The following ESRRG variants were observed in gnomAD, a reference collection of about 807,000 sequenced individuals.
The protein encoded by ESRRG is estrogen-related receptor gamma.
A neutral mutation model predicts 44.0 loss-of-function variants in ESRRG; 13 were observed. The ratio of observed to expected loss-of-function variants is 0.30; its 90% CI spans 0.19 to 0.47. The LOEUF is 0.47. ESRRG is among the 20% of genes least tolerant of loss of function. The pLI, the probability that ESRRG is intolerant of heterozygous loss-of-function variation, is 1.00. For missense variants in ESRRG, 395 were observed against 580.6 expected, an observed-to-expected ratio of 0.68 and a Z score of 3.29; for synonymous variants, 215 against 214.6, an observed-to-expected ratio of 1.00 and a Z score of -0.02.
intron 1 of ESRRG, among the ~76,000 whole-genome samples, chr1:217,120,913 T>C (rs2092809837): frequency 6.6e-6 from 1 of 152,196 alleles, no homozygotes; most frequent in Non-Finnish European, 1.5e-5. Flanking sequence ...TCTCTGCCAT[T>C]AGACTATAAG....
chr1:216,573,070 T>C (rs1224609721), intron 3 of ESRRG, among the ~76,000 whole-genome samples: 2 of 152,026 alleles, frequency 1.3e-5, no homozygotes, highest in African/African-American at 4.8e-5. Context: ...TATTATATGC[T>C]CTGGCCTAAA....
intron 5 of ESRRG, among the ~76,000 whole-genome samples, chr1:216,552,293 A>G (rs2056564770): frequency 6.6e-6 from 1 of 152,174 alleles, no homozygotes; most frequent in African/African-American, 2.4e-5. Flanking sequence ...CAGGAATAGT[A>G]TACTCTTTTC....
intron 1 of ESRRG, among the ~76,000 whole-genome samples, chr1:216,681,080 AATAAC>A (rs1258765944): frequency 6.6e-6 from 1 of 152,192 alleles, no homozygotes; most frequent in Admixed American, 6.5e-5. Context: ...TATGAATAGA[AATAAC>A]ATGTGTCGAA....
chr1:216,893,722 T>C (rs957305988), intron 2 of ESRRG, among the ~76,000 whole-genome samples: 2 of 152,100 alleles, frequency 1.3e-5, no homozygotes, highest in Non-Finnish European at 2.9e-5. Context: ...TATTTCTAAG[T>C]ATGTAGAAGT....
chr1:216,859,982 G>A (rs558602116), intron 2 of ESRRG, among the ~76,000 whole-genome samples: 13 of 152,130 alleles, frequency 8.5e-5, no homozygotes, highest in Non-Finnish European at 1.8e-4. Context: ...AGCAGACAAA[G>A]GCCAGGTGCA....
intron 1 of ESRRG, among the ~76,000 whole-genome samples, chr1:217,130,977 A>G (rs2092956888): frequency 6.6e-6 from 1 of 152,190 alleles, no homozygotes; most frequent in Non-Finnish European, 1.5e-5. Context: ...CCACGAATTT[A>G]ATTTTTCTGA....
chr1:216,642,546 T>G (rs866730010), intron 3 of ESRRG, among the ~76,000 whole-genome samples: 53 of 152,276 alleles, frequency 3.5e-4, no homozygotes, highest in African/African-American at 1.2e-3. Flanking sequence ...TATTATAACT[T>G]GGGAGTTTTG....
chr1:216,979,573 T>C (rs1223921969), intron 1 of ESRRG, among the ~76,000 whole-genome samples: 1 of 152,042 alleles, frequency 6.6e-6, no homozygotes, highest in Non-Finnish European at 1.5e-5. Context: ...GATTTCAAAA[T>C]CCAGGATCAC....
At chr1:217,010,398 C>G (rs1395405105) in intron 1 of ESRRG, among the ~76,000 whole-genome samples, 1 of 152,120 alleles carries the variant, frequency 6.6e-6, no homozygotes, top group Non-Finnish European at 1.5e-5. Flanking sequence ...TGAAAAGCAA[C>G]CCCACCCCTG....
At chr1:216,746,473 C>T (rs1336064081) in intron 2 of ESRRG, among the ~76,000 whole-genome samples, 4 of 152,020 alleles carry the variant, frequency 2.6e-5, no homozygotes, top group Non-Finnish European at 4.4e-5. Context: ...TCCACATAAC[C>T]GTAAATAACA....
At position 216,865,969 on chromosome 1, in the gene ESRRG, G is replaced by A. The variant is rs115403133; in HGVS notation, c.-14+73613C>T. Reference sequence around the variant, plus strand: ...ATGTTTAAGGAAAGGCCATCCAAAAGCAGACATGACATTTTGCAGAGTCTT... The same window carrying A: ...ATGTTTAAGGAAAGGCCATCCAAAAACAGACATGACATTTTGCAGAGTCTT... On this transcript the variant is annotated intron_variant, in intron 2 of 7. Coordinates refer to the ESRRG transcript ENST00000359162. Among the ~76,000 whole-genome samples, 497 of 152,214 alleles carry A rather than the reference G, an allele frequency of 3.3e-3. 4 individuals are homozygous for A. Among genetic ancestry groups the A allele is most frequent in the African/African-American group, 0.012 (488 of 41,552 alleles).
intron 2 of ESRRG, among the ~76,000 whole-genome samples, chr1:216,859,292 T>C (rs1467327511): frequency 6.6e-6 from 1 of 152,176 alleles, no homozygotes; most frequent in Non-Finnish European, 1.5e-5. Flanking sequence ...TCATCTCAGC[T>C]TACTTCCTTG....
chr1:216,812,000 C>T (rs1347632889), intron 2 of ESRRG, among the ~76,000 whole-genome samples: 1 of 152,108 alleles, frequency 6.6e-6, no homozygotes, highest in Non-Finnish European at 1.5e-5. Context: ...CACGGCCGGC[C>T]ACTGTCAAAT....
intron 2 of ESRRG, among the ~76,000 whole-genome samples, chr1:216,831,411 T>C (rs1315644340): frequency 6.6e-6 from 1 of 151,224 alleles, no homozygotes; most frequent in East Asian, 2.0e-4. Context: ...TTTTACCAAA[T>C]GAAGCCTGAG....
At chr1:216,725,138 C>A (rs2087231965), upstream of ESRRG, among the ~76,000 whole-genome samples, 1 of 152,022 alleles carries the variant, frequency 6.6e-6, no homozygotes, top group South Asian at 2.1e-4. Flanking sequence ...ATGATTTGGT[C>A]CCCCCACAGA....
chr1:216,555,489 C>T (rs2057343084), intron 5 of ESRRG, among the ~76,000 whole-genome samples: 1 of 150,848 alleles, frequency 6.6e-6, no homozygotes, highest in Non-Finnish European at 1.5e-5. Context: ...TGTGTGTTAT[C>T]ATATCAGAAA....
chr1:216,520,963 T>G (rs909580130), intron 5 of ESRRG, among the ~76,000 whole-genome samples: 1 of 152,186 alleles, frequency 6.6e-6, no homozygotes, highest in Non-Finnish European at 1.5e-5. Context: ...CCTGACCTAT[T>G]GGTGAAAAAC....
chr1:216,811,790 A>T (rs1227998090), intron 2 of ESRRG, among the ~76,000 whole-genome samples: 4 of 152,240 alleles, frequency 2.6e-5, no homozygotes, highest in African/African-American at 4.8e-5. Context: ...TGATTTTTAC[A>T]GGTGTTTAAT....
At chr1:216,751,443 T>C (rs1271527885) in intron 2 of ESRRG, among the ~76,000 whole-genome samples, 1 of 152,156 alleles carries the variant, frequency 6.6e-6, no homozygotes, top group Non-Finnish European at 1.5e-5. Context: ...CTCCAGTGCC[T>C]TTTTGATGTC....
Sources: allele counts gnomAD v4.1 joint callset (sites outside exome capture counted in the v4.1 genomes callset), GRCh38; gene constraint gnomAD v4.1.1; transcripts MANE v1.5; gene names NCBI Gene and HGNC (gene_info 2026-07-23, HGNC 2026-07-21).